Variants in MSR1 observed in about 807,000 individuals in gnomAD.
MSR1 encodes the protein macrophage scavenger receptor types I and II.
MSR1 carries 53 observed loss-of-function variants against 47.2 expected under a neutral mutation model. That is an observed-to-expected ratio of 1.12 (90% CI 0.90 to 1.41). MSR1 has a LOEUF of 1.41. Ranked by LOEUF, MSR1 falls within the 40% of genes most tolerant of loss-of-function variation. MSR1 has a pLI of 0.00. For synonymous variants in MSR1, 239 were observed against 185.6 expected (o/e 1.29, Z -2.34); for missense variants, 786 against 546.9 (o/e 1.44, Z -4.36).
chr8:16,164,392 C>T (rs1273703859), intron 4 of MSR1, 141 bp from the exon 5 acceptor site: 3 of 688,646 alleles, frequency 4.4e-6, no homozygotes, highest in Middle Eastern at 3.7e-4. Context: ...AATTAGAAAA[C>T]TGTTTTGAAA....
chr8:16,166,993 T>C (rs1376824788), intron 4 of MSR1, among the ~76,000 whole-genome samples: 1 of 151,874 alleles, frequency 6.6e-6, no homozygotes, highest in Admixed American at 6.6e-5. Flanking sequence ...ACTGACCTAG[T>C]TTCTAAGTCT....
In MSR1 at chr8:16,180,475, T is replaced by C. The variant is rs1801796294; in HGVS notation, c.-4-2483A>G. On this transcript the variant is annotated intron_variant, in intron 1 of 9. Coordinates refer to ENST00000262101, the MANE Select transcript of MSR1 (RefSeq NM_138715.3). ...TCTGAGGACCACATTTTAAGAACCT[T>C]TTCCATAAAAGGTGATTATGACTTC... Among the ~76,000 whole-genome samples, 6 of 152,172 alleles carry C rather than the reference T, an allele frequency of 3.9e-5. 1 individual carries two copies. In the South Asian group the frequency reaches 1.2e-3, roughly 32 times the overall value.
At chr8:16,116,270 A>C (rs1002341185) in intron 9 of MSR1, among the ~76,000 whole-genome samples, 2 of 152,172 alleles carry the variant, frequency 1.3e-5, no homozygotes, top group Non-Finnish European at 2.9e-5. Context: ...TTTTATTGGA[A>C]AGGAAATTGA....
intron 1 of MSR1, among the ~76,000 whole-genome samples, chr8:16,191,671 G>A (rs931719493): frequency 6.6e-6 from 1 of 152,122 alleles, no homozygotes. Flanking sequence ...GCTGGAATTT[G>A]AACACAGGCA....
At chr8:16,116,687 T>A (rs929203570) in intron 9 of MSR1, among the ~76,000 whole-genome samples, 1 of 151,834 alleles carries the variant, frequency 6.6e-6, no homozygotes, top group African/African-American at 2.4e-5. Context: ...TTTATAGAGA[T>A]ATAAGCAGGA....
At chr8:16,169,463 C>T (rs1034466424) in intron 3 of MSR1, among the ~76,000 whole-genome samples, 2 of 152,072 alleles carry the variant, frequency 1.3e-5, no homozygotes, top group Non-Finnish European at 2.9e-5. Flanking sequence ...TGGGCAAATA[C>T]ATTTTTTCAC....
At chr8:16,145,084 T>C (rs769086930) in intron 7 of MSR1, among the ~76,000 whole-genome samples, 5 of 152,234 alleles carry the variant, frequency 3.3e-5, no homozygotes, top group African/African-American at 4.8e-5. Flanking sequence ...TTATTCCCAA[T>C]TGAAATTGTA....
In MSR1 at chr8:16,148,165, T is replaced by C. The variant is rs572341454; in HGVS notation, c.979+2066A>G. 5.3e-5 allele frequency among the ~76,000 whole-genome samples: 8 copies of C among 152,282 alleles called. No homozygotes were observed. In the South Asian group the frequency reaches 1.7e-3, roughly 32 times the overall value. On this transcript the variant is annotated intron_variant, in intron 7 of 9. Coordinates refer to ENST00000262101, the MANE Select transcript of MSR1 (RefSeq NM_138715.3). ...AATCACTCCTTACTCTCTACTTCCA[T>C]ACAGCAATTTGTCCAACCTCACCAA...
At chr8:16,168,896 A>C (rs754469065) in intron 3 of MSR1, 26 bp from the exon 4 acceptor site, 1 of 1,605,780 alleles carries the variant, frequency 6.2e-7, no homozygotes, top group Non-Finnish European at 8.5e-7. Context: ...AAAATAAACC[A>C]GTCATGGCCT....
chr8:16,187,483 C>G (rs1220004927), intron 1 of MSR1, among the ~76,000 whole-genome samples: 1 of 151,918 alleles, frequency 6.6e-6, no homozygotes, highest in African/African-American at 2.4e-5. Flanking sequence ...CTTCCCCACC[C>G]TGGCTTCATT....
intron 8 of MSR1, chr8:16,140,815 G>T: frequency 6.5e-7 from 1 of 1,530,740 alleles, no homozygotes. Flanking sequence ...CATGGGAGCA[G>T]AGGCCCAAAC....
Position 16,177,917 on chromosome 8 carries a change from A to AT in MSR1, c.71dup (p.Asp24GlufsTer14), listed in dbSNP as rs769506346. ...GAAGCAAAGCTGTCATTGAGCGAGC[A>AT]TCAAATTTCACAGATTCGGAGCAGC... On this transcript the variant is annotated frameshift_variant, in exon 2 of 10. Transcript: ENST00000262101. LOFTEE classifies it high-confidence loss of function. The AT allele has an allele frequency of 6.2e-7, 1 of 1,613,964 alleles. No homozygotes were observed. The highest frequency in any genetic ancestry group is 8.5e-7 in the Non-Finnish European group (1 of 1,179,920).
intron 8 of MSR1, among the ~76,000 whole-genome samples, chr8:16,132,755 C>T (rs1800291835): frequency 6.6e-6 from 1 of 151,994 alleles, no homozygotes; most frequent in African/African-American, 2.4e-5. Flanking sequence ...AAAGTAGATG[C>T]CCTATATTTC....
intron 1 of MSR1, among the ~76,000 whole-genome samples, chr8:16,191,579 A>C (rs1056305649): frequency 8.6e-5 from 9 of 104,402 alleles, no homozygotes; most frequent in African/African-American, 5.2e-4. Flanking sequence ...ATGAGGTACA[A>C]GTAGTATTTT....
intron 8 of MSR1, among the ~76,000 whole-genome samples, chr8:16,122,646 C>T (rs935393646): frequency 6.6e-6 from 1 of 151,942 alleles, no homozygotes; most frequent in Non-Finnish European, 1.5e-5. Context: ...GTCCAGGGAC[C>T]ACACTTTGAG....
chr8:16,150,140 G>GTGTATATA (rs1402495981), intron 7 of MSR1, 91 bp downstream of exon 7: 29 of 178,338 alleles, frequency 1.6e-4, no homozygotes, highest in African/African-American at 8.0e-4. Context: ...GTGTGTGTGT[G>GTGTATATA]TATATATATA....
chr8:16,169,898 T>A (rs1015971480), intron 3 of MSR1, among the ~76,000 whole-genome samples: 4 of 151,970 alleles, frequency 2.6e-5, no homozygotes, highest in African/African-American at 4.8e-5. Context: ...TAAAAAAAAA[T>A]TATATTCTAA....
intron 1 of MSR1, among the ~76,000 whole-genome samples, chr8:16,183,088 T>C (rs527828463): frequency 3.5e-4 from 53 of 152,266 alleles, no homozygotes; most frequent in African/African-American, 1.3e-3. Context: ...ATCATACATA[T>C]GGTCCTGTGT....
chr8:16,128,995 G>A (rs17620733), intron 8 of MSR1, among the ~76,000 whole-genome samples: 6,168 of 152,196 alleles, frequency 0.041, 204 homozygotes, highest in East Asian at 0.12. Flanking sequence ...AGGATTAAGT[G>A]AGAATGCAAC....
Sources: allele counts gnomAD v4.1 joint callset (sites outside exome capture counted in the v4.1 genomes callset), GRCh38; gene constraint gnomAD v4.1.1; transcripts MANE v1.5; gene names NCBI Gene and HGNC (gene_info 2026-07-23, HGNC 2026-07-21).